Variants in NTM observed in about 807,000 individuals in gnomAD.
The protein encoded by NTM is IgLON family member 2.
A neutral mutation model predicts 42.1 loss-of-function variants in NTM; 13 were observed. The ratio of observed to expected loss-of-function variants is 0.31; its 90% CI spans 0.20 to 0.49. NTM has a LOEUF of 0.49. NTM is among the 20% of genes least tolerant of loss of function. The probability of loss-of-function intolerance (pLI) is 0.99; values close to 1 mark genes in which losing one functional copy is unlikely to be tolerated. For missense variants in NTM, 373 were observed against 452.8 expected, an observed-to-expected ratio of 0.82 and a Z score of 1.60; for synonymous variants, 187 against 179.2, an observed-to-expected ratio of 1.04 and a Z score of -0.35.
chr11:131,490,567 A>T (rs781139412), intron 1 of NTM, among the ~76,000 whole-genome samples: 3 of 152,220 alleles, frequency 2.0e-5, no homozygotes, highest in Non-Finnish European at 4.4e-5. Flanking sequence ...TGAAGCATCC[A>T]GAAAGGCCTT....
chr11:131,642,576 A>G (rs2065266764), intron 1 of NTM, among the ~76,000 whole-genome samples: 1 of 152,148 alleles, frequency 6.6e-6, no homozygotes, highest in Non-Finnish European at 1.5e-5. Flanking sequence ...GGGGCTAACC[A>G]CGTTCCCTGG....
intron 2 of NTM, among the ~76,000 whole-genome samples, chr11:132,119,095 G>A (rs553947211): frequency 2.0e-5 from 3 of 152,258 alleles, no homozygotes. Context: ...CTGGGACCTG[G>A]GCAGACAGTG....
intron 1 of NTM, among the ~76,000 whole-genome samples, chr11:131,401,818 A>ATATATATGTG (rs1945202510): frequency 1.6e-4 from 7 of 42,990 alleles, no homozygotes; most frequent in South Asian, 1.7e-3. Flanking sequence ...ATATATATAT[A>ATATATATGTG]TATATATATA....
rs563110801 is a variant in NTM at position 131,737,395 on chromosome 11, T to G, written c.83-174169T>G. Among the ~76,000 whole-genome samples the G allele has an allele frequency of 9.9e-4, 151 of 152,344 alleles. 1 individual carries two copies. Among genetic ancestry groups the G allele is most frequent in the African/African-American group, 3.4e-3 (143 of 41,580 alleles). On this transcript the variant is annotated intron_variant, in intron 1 of 8. Transcript: ENST00000683400. ...AGCAGAGATCAAGAAGAACCTTTGT[T>G]CTGAAGTTCAGTTAGCACATTTGTT...
intron 4 of NTM, among the ~76,000 whole-genome samples, chr11:132,254,950 T>C (rs555579329): frequency 6.6e-6 from 1 of 152,218 alleles, no homozygotes; most frequent in African/African-American, 2.4e-5. Context: ...CACATCCCAA[T>C]TGTGATAAAC....
intron 2 of NTM, among the ~76,000 whole-genome samples, chr11:132,117,622 A>G (rs975650845): frequency 6.6e-6 from 1 of 152,210 alleles, no homozygotes; most frequent in African/African-American, 2.4e-5. Flanking sequence ...TGATATACCA[A>G]AAATAAAATA....
At chr11:131,797,316 C>T (rs1013202213) in intron 1 of NTM, among the ~76,000 whole-genome samples, 2 of 152,120 alleles carry the variant, frequency 1.3e-5, no homozygotes, top group Admixed American at 1.3e-4. Context: ...AGAACATTTG[C>T]TCTAGGTGGG....
Position 131,370,756 on chromosome 11 carries a change from G to GA in NTM, c.-44dup. 4 of 1,503,888 alleles carry GA rather than the reference G, an allele frequency of 2.7e-6. No homozygotes were observed. Among genetic ancestry groups the GA allele is most frequent in the Non-Finnish European group, 3.7e-6 (4 of 1,090,538 alleles). The allele number at this position is 1,503,888 out of a possible 1,614,324, so 93.2% of individuals were successfully genotyped here. On this transcript the variant is annotated 5_prime_UTR_variant, in exon 1 of 9. Coordinates refer to ENST00000683400, the MANE Select transcript of NTM (RefSeq NM_001352005.2). ...CACAATCTATCAGGAAAGAAAGAAA[G>GA]AAAAAAACCGAACCTGACAAAAAAG...
chr11:132,324,467 G>C (rs1042062968), intron 7 of NTM, among the ~76,000 whole-genome samples: 3 of 151,018 alleles, frequency 2.0e-5, no homozygotes, highest in Non-Finnish European at 4.4e-5. Context: ...ACTTACAAGG[G>C]ATGTGAAGGA....
rs575083135 is a variant in NTM at position 131,422,995 on chromosome 11, G to A, written c.82+52107G>A. 1.2e-4 allele frequency among the ~76,000 whole-genome samples: 18 copies of A among 152,310 alleles called. No homozygotes were observed. The East Asian group carries it at 3.1e-3, about 26-fold the overall frequency. On this transcript the variant is annotated intron_variant, in intron 1 of 8. Coordinates refer to ENST00000683400, the MANE Select transcript of NTM (RefSeq NM_001352005.2). The stretch of plus-strand genomic sequence containing the variant: ...TTTGCTGAGCATTTATTATGTGCCA[G>A]GAATTGTATTAGATGCCCTACATCT...
At chr11:131,385,365 A>C (rs368599235) in intron 1 of NTM, 11 of 152,338 alleles carry the variant, frequency 7.2e-5, no homozygotes, top group African/African-American at 2.6e-4. Flanking sequence ...TGATGTTTCA[A>C]TATCACTAGT....
Position 131,395,291 on chromosome 11 carries a change from G to A in NTM, c.82+24403G>A, listed in dbSNP as rs75515532. 3.2e-3 allele frequency among the ~76,000 whole-genome samples: 480 copies of A among 152,308 alleles called. 2 individuals carry two copies. Among genetic ancestry groups the A allele is most frequent in the African/African-American group, 0.011 (458 of 41,562 alleles). On this transcript the variant is annotated intron_variant, in intron 1 of 8. Coordinates refer to ENST00000683400, the MANE Select transcript of NTM (RefSeq NM_001352005.2). ...CTGATATGATTGCTGAACAGAAATG[G>A]TTCCAATAAGGGCAGAGAGGAATAT...
At chr11:131,582,167 G>A (rs1275927624) in intron 1 of NTM, 1 of 152,190 alleles carries the variant, frequency 6.6e-6, no homozygotes, top group African/African-American at 2.4e-5. Context: ...CTAAAATGCA[G>A]AACGGGCTGC....
chr11:132,330,229 G>A (rs1022293998), intron 8 of NTM, 44 bp downstream of exon 8: 2 of 1,533,258 alleles, frequency 1.3e-6, no homozygotes, highest in Non-Finnish European at 1.8e-6. Flanking sequence ...TGGGTGTGGG[G>A]TATGTAAAAC....
At chr11:131,500,541 T>TTTTATA (rs2046610155) in intron 1 of NTM, among the ~76,000 whole-genome samples, 1 of 65,150 alleles carries the variant, frequency 1.5e-5, no homozygotes, top group African/African-American at 6.1e-5. Flanking sequence ...TAGTTATTTA[T>TTTTATA]TATATATATA....
chr11:131,655,050 G>A (rs944186961), intron 1 of NTM, among the ~76,000 whole-genome samples: 1 of 152,140 alleles, frequency 6.6e-6, no homozygotes, highest in East Asian at 1.9e-4. Context: ...CCGCCACTCC[G>A]CCGGTCCTCG....
At chr11:131,817,699 T>C (rs2093007138) in intron 1 of NTM, among the ~76,000 whole-genome samples, 1 of 152,246 alleles carries the variant, frequency 6.6e-6, no homozygotes, top group Non-Finnish European at 1.5e-5. Context: ...TGGTTCCCTC[T>C]GCTCCACCTC....
At chr11:131,898,094 A>C (rs1565695560) in intron 1 of NTM, among the ~76,000 whole-genome samples, 1 of 152,212 alleles carries the variant, frequency 6.6e-6, no homozygotes, top group Non-Finnish European at 1.5e-5. Flanking sequence ...GTTGGGATCA[A>C]AGTGGATTTG....
intron 1 of NTM, among the ~76,000 whole-genome samples, chr11:131,765,392 G>A (rs2084937803): frequency 6.6e-6 from 1 of 152,280 alleles, no homozygotes; most frequent in East Asian, 1.9e-4. Flanking sequence ...GCTACGCCAG[G>A]TTCAACCCCC....
Sources: allele counts gnomAD v4.1 joint callset (sites outside exome capture counted in the v4.1 genomes callset), GRCh38; gene constraint gnomAD v4.1.1; transcripts MANE v1.5; gene names NCBI Gene and HGNC (gene_info 2026-07-23, HGNC 2026-07-21).